NMNAT3: variants seen among roughly 807,000 people sequenced by gnomAD.
NMNAT3 encodes the protein nicotinamide nucleotide adenylyltransferase 3.
A neutral mutation model predicts 24.8 loss-of-function variants in NMNAT3; 21 were observed. That is an observed-to-expected ratio of 0.85 (90% confidence interval 0.60 to 1.22). The LOEUF (loss-of-function observed/expected upper bound fraction) is 1.22, where lower values mean the gene tolerates loss of function less well. Among genes scored for constraint, NMNAT3 ranks in the 50% most tolerant of loss-of-function variants. The probability of loss-of-function intolerance (pLI) is 0.00; values close to 1 mark genes in which losing one functional copy is unlikely to be tolerated. For missense variants in NMNAT3, 387 were observed against 436.6 expected, an observed-to-expected ratio of 0.89 and a Z score of 1.01; for synonymous variants, 136 against 155.2, an observed-to-expected ratio of 0.88 and a Z score of 0.92.
At chr3:139,659,493 T>C (rs931944031) in intron 1 of NMNAT3, among the ~76,000 whole-genome samples, 1 of 152,252 alleles carries the variant, frequency 6.6e-6, no homozygotes, top group East Asian at 1.9e-4. Context: ...TTATGGCCTG[T>C]GAAACTAGTT....
intron 4 of NMNAT3, among the ~76,000 whole-genome samples, chr3:139,581,965 TG>T (rs1020282550): frequency 1.4e-5 from 2 of 144,974 alleles, no homozygotes; most frequent in East Asian, 2.1e-4. Context: ...GAGGCCGGGG[TG>T]GGGGGATCAC....
rs2056109831 is a variant in NMNAT3 at position 139,627,602 on chromosome 3, GCCCCCTGACTGA to G, written c.109+2_109+13del. The G allele has an allele frequency of 1.3e-6, 2 of 1,513,116 alleles. No individual in the cohort carries two copies. Among genetic ancestry groups the G allele is most frequent in the African/African-American group, 2.7e-5 (2 of 72,938 alleles). The allele number at this position is 1,513,116 out of a possible 1,614,324, so 93.7% of individuals were successfully genotyped here. On this transcript the variant is annotated splice_donor_variant and splice_donor_5th_base_variant and intron_variant, in intron 3 of 6. Coordinates refer to ENST00000643695, the MANE Select transcript of NMNAT3 (RefSeq NM_001320510.2). LOFTEE classifies it high-confidence loss of function. ...CACCAGTTCTTCTGTTGGACTCAGGGCCCCCTGACTGACCTGTTTGGTGTAGGTGATCTCTGG... is the reference window on the plus strand; with the variant it reads ...CACCAGTTCTTCTGTTGGACTCAGGGCCTGTTTGGTGTAGGTGATCTCTGG...
intron 3 of NMNAT3, among the ~76,000 whole-genome samples, chr3:139,587,733 A>C (rs295464): frequency 0.33 from 50,829 of 152,186 alleles, 10,423 homozygotes; most frequent in South Asian, 0.64. Flanking sequence ...CTTTCTGCGC[A>C]TCTGAGCTCA....
Position 139,641,733 on chromosome 3 carries a change from G to T in NMNAT3, c.-140-3671C>A, listed in dbSNP as rs144861744. ...AATTTACATATAAAATAAAATGTAG[G>T]CTGACATGAAATGATTTACGCTGTC... On this transcript the variant is annotated intron_variant, in intron 1 of 6. Transcript: ENST00000643695. Among the ~76,000 whole-genome samples, 9 of 152,280 alleles carry T rather than the reference G, an allele frequency of 5.9e-5. No homozygotes were observed. The East Asian group carries it at 1.7e-3, about 29-fold the overall frequency.
intron 1 of NMNAT3, among the ~76,000 whole-genome samples, chr3:139,673,667 T>G (rs1037423669): frequency 1.3e-5 from 2 of 152,070 alleles, no homozygotes; most frequent in Non-Finnish European, 2.9e-5. Flanking sequence ...TTAATTCTAT[T>G]GTTAAATCTG....
rs1451221243 is a variant in NMNAT3, at chr3:139,560,585, C to T, written c.*425G>A. On this transcript the variant is annotated 3_prime_UTR_variant, in exon 7 of 7. Transcript: ENST00000643695. ...GTAATTAGCATCCTGTCAAATCTTT[C>T]CAATCAAGACTAGCATGCTGCACCT... 6.1e-6 allele frequency: 1 copy of T among 164,748 alleles called. No homozygotes were observed. Among genetic ancestry groups the T allele is most frequent in the Non-Finnish European group, 1.3e-5 (1 of 75,854 alleles). 10.2% of individuals were successfully genotyped at this position (164,748 alleles called of 1,614,324 possible). A position where few individuals can be genotyped will look rare whatever the true frequency, so the allele number is the denominator to read the frequency against.
At chr3:139,590,522 G>A (rs962236461) in intron 3 of NMNAT3, among the ~76,000 whole-genome samples, 1 of 152,100 alleles carries the variant, frequency 6.6e-6, no homozygotes, top group African/African-American at 2.4e-5. Flanking sequence ...TTTAGAAATG[G>A]GGAGTCAAGT....
rs935715262 is a variant in NMNAT3 at position 139,677,896 on chromosome 3, C to T, written c.-332G>A. Reference sequence around the variant, plus strand: ...CCGGGCAGCCTCAGGTCTAGATCCCCTAGTACCTGAGCTGGAGGCGGGGCC... The same window carrying T: ...CCGGGCAGCCTCAGGTCTAGATCCCTTAGTACCTGAGCTGGAGGCGGGGCC... On this transcript the variant is annotated 5_prime_UTR_variant, in exon 1 of 7. Transcript: ENST00000643695. 22 of 152,214 alleles carry T rather than the reference C, an allele frequency of 1.4e-4. No homozygotes were observed. The highest frequency in any genetic ancestry group is 5.1e-4 in the African/African-American group (21 of 41,438). The allele number at this position is 152,214 out of a possible 1,614,324, so 9.4% of individuals were successfully genotyped here.
intron 1 of NMNAT3, among the ~76,000 whole-genome samples, chr3:139,667,566 C>T (rs1301212152): frequency 5.9e-5 from 9 of 152,162 alleles, no homozygotes; most frequent in Non-Finnish European, 1.3e-4. Flanking sequence ...TTTCTCTTTA[C>T]TGAGGAAGCC....
intron 1 of NMNAT3, among the ~76,000 whole-genome samples, chr3:139,660,994 C>A (rs2057396766): frequency 6.6e-6 from 1 of 152,138 alleles, no homozygotes; most frequent in African/African-American, 2.4e-5. Flanking sequence ...TCACAAAACA[C>A]CATGGTCCTT....
intron 2 of NMNAT3, 26 bp downstream of exon 2, chr3:139,637,937 G>A (rs1329469486): frequency 6.6e-6 from 1 of 152,162 alleles, no homozygotes; most frequent in Admixed American, 6.6e-5. Flanking sequence ...AATGCAGAGT[G>A]GAAGGTGACT....
At chr3:139,596,964 A>ATATTTT (rs1405063694) in intron 3 of NMNAT3, among the ~76,000 whole-genome samples, 71 of 108,532 alleles carry the variant, frequency 6.5e-4, no homozygotes, top group Non-Finnish European at 1.0e-3. Context: ...ATATATATAT[A>ATATTTT]TTTTTATTAC....
At chr3:139,602,100 G>T (rs1034061697) in intron 3 of NMNAT3, among the ~76,000 whole-genome samples, 6 of 152,154 alleles carry the variant, frequency 3.9e-5, no homozygotes, top group African/African-American at 1.4e-4. Context: ...AATAAAATAG[G>T]TCATGGAGTT....
chr3:139,625,363 T>C (rs376001465), intron 3 of NMNAT3, among the ~76,000 whole-genome samples: 3 of 152,218 alleles, frequency 2.0e-5, no homozygotes, highest in African/African-American at 7.2e-5. Context: ...AAATCTCTTA[T>C]GTTGTTTTCT....
chr3:139,649,322 A>AAAC (rs2056977536), intron 1 of NMNAT3, among the ~76,000 whole-genome samples: 1 of 150,402 alleles, frequency 6.6e-6, no homozygotes, highest in Non-Finnish European at 1.5e-5. Context: ...GCAAGCAAAG[A>AAAC]AAACAAACAA....
intron 1 of NMNAT3, among the ~76,000 whole-genome samples, chr3:139,660,488 T>C (rs575816181): frequency 6.6e-6 from 1 of 152,332 alleles, no homozygotes; most frequent in South Asian, 2.1e-4. Context: ...ATTGATCTTA[T>C]ACAATTCATT....
At chr3:139,652,924 C>T (rs77965079) in intron 1 of NMNAT3, among the ~76,000 whole-genome samples, 1,725 of 152,186 alleles carry the variant, frequency 0.011, 36 homozygotes, top group African/African-American at 0.038. Context: ...AGCAGGTATG[C>T]GCCTCACCAG....
chr3:139,648,756 G>A (rs1007835338), intron 1 of NMNAT3, among the ~76,000 whole-genome samples: 1 of 152,170 alleles, frequency 6.6e-6, no homozygotes, highest in Non-Finnish European at 1.5e-5. Flanking sequence ...ACCAACAAGG[G>A]AATGGTTACA....
intron 1 of NMNAT3, among the ~76,000 whole-genome samples, chr3:139,675,476 C>A (rs2108470701): frequency 6.6e-6 from 1 of 152,310 alleles, no homozygotes; most frequent in South Asian, 2.1e-4. Context: ...GCTACGCTTT[C>A]TTTGGCCTGA....
Sources: allele counts gnomAD v4.1 joint callset (sites outside exome capture counted in the v4.1 genomes callset), GRCh38; gene constraint gnomAD v4.1.1; transcripts MANE v1.5; gene names NCBI Gene and HGNC (gene_info 2026-07-23, HGNC 2026-07-21).